MACROD2: variants seen among roughly 807,000 people sequenced by gnomAD.
MACROD2 encodes ADP-ribose glycohydrolase MACROD2.
A neutral mutation model predicts 70.4 loss-of-function variants in MACROD2; 36 were observed. That is an observed-to-expected ratio of 0.51 (90% CI 0.39 to 0.68). The LOEUF is 0.68. MACROD2 is among the 30% of genes least tolerant of loss of function. The probability of loss-of-function intolerance (pLI) is 0.00; values close to 1 mark genes in which losing one functional copy is unlikely to be tolerated. For synonymous variants in MACROD2, 172 were observed against 178.8 expected (o/e 0.96, Z 0.30); for missense variants, 496 against 538.4 (o/e 0.92, Z 0.78).
intron 5 of MACROD2, among the ~76,000 whole-genome samples, chr20:14,957,120 G>C (rs2074544104): frequency 6.6e-6 from 1 of 151,342 alleles, no homozygotes; most frequent in Non-Finnish European, 1.5e-5. Context: ...TATATGTGCT[G>C]CTGAAGTGAG....
At chr20:15,748,809 A>G (rs1186898335) in intron 8 of MACROD2, among the ~76,000 whole-genome samples, 1 of 152,050 alleles carries the variant, frequency 6.6e-6, no homozygotes, top group Non-Finnish European at 1.5e-5. Context: ...CCCAGGAGAA[A>G]TTTTCTCTAA....
chr20:14,520,957 G>T (rs200353093), intron 4 of MACROD2, among the ~76,000 whole-genome samples: 3 of 57,426 alleles, frequency 5.2e-5, no homozygotes, highest in South Asian at 9.7e-4. Flanking sequence ...GTGCGTGCGC[G>T]CACACACACA....
At chr20:14,619,758 C>T (rs1211443601) in intron 4 of MACROD2, among the ~76,000 whole-genome samples, 1 of 151,992 alleles carries the variant, frequency 6.6e-6, no homozygotes, top group Non-Finnish European at 1.5e-5. Flanking sequence ...AGATGACTGG[C>T]CAGCTTAGTC....
intron 5 of MACROD2, among the ~76,000 whole-genome samples, chr20:15,078,539 G>C (rs998508966): frequency 6.6e-6 from 1 of 152,060 alleles, no homozygotes; most frequent in African/African-American, 2.4e-5. Flanking sequence ...ATTTGGTCAA[G>C]TGATATTTGA....
At chr20:15,452,163 T>G (rs1260565641) in intron 7 of MACROD2, among the ~76,000 whole-genome samples, 1 of 152,160 alleles carries the variant, frequency 6.6e-6, no homozygotes, top group Non-Finnish European at 1.5e-5. Flanking sequence ...TTGTTCAACA[T>G]AAAACCAAGA....
At chr20:14,515,465 G>GCGCACACACACGCA (rs1369248292) in intron 4 of MACROD2, among the ~76,000 whole-genome samples, 2 of 127,066 alleles carry the variant, frequency 1.6e-5, no homozygotes, top group African/African-American at 6.3e-5. Context: ...ACACACACAC[G>GCGCACACACACGCA]CACACACACA....
At chr20:15,310,207 ATTATT>A (rs1049444922) in intron 6 of MACROD2, among the ~76,000 whole-genome samples, 87 of 152,252 alleles carry the variant, frequency 5.7e-4, no homozygotes, top group African/African-American at 2.1e-3. Flanking sequence ...AACTTTTTAA[ATTATT>A]TTATTTTATT....
chr20:14,812,819 T>C (rs2122180505), intron 5 of MACROD2, among the ~76,000 whole-genome samples: 1 of 152,180 alleles, frequency 6.6e-6, no homozygotes, highest in South Asian at 2.1e-4. Flanking sequence ...TTTCTGATGC[T>C]GGCTACCTGG....
chr20:14,862,624 T>A (rs1440865435), intron 5 of MACROD2, among the ~76,000 whole-genome samples: 1 of 13,036 alleles, frequency 7.7e-5, no homozygotes, highest in South Asian at 2.3e-3. Context: ...TAAATATATA[T>A]ATATAAATAT....
chr20:15,686,872 C>CAAAAA (rs142175244), intron 8 of MACROD2, among the ~76,000 whole-genome samples: 1 of 69,304 alleles, frequency 1.4e-5, no homozygotes. Context: ...GACTCCATCT[C>CAAAAA]AAAAAAAAAA....
At chr20:14,917,752 A>T (rs775953089) in intron 5 of MACROD2, among the ~76,000 whole-genome samples, 1 of 152,170 alleles carries the variant, frequency 6.6e-6, no homozygotes, top group Non-Finnish European at 1.5e-5. Context: ...AATTGCATCT[A>T]AAGCTACTCA....
chr20:15,857,884 GT>G (rs1665738968), intron 8 of MACROD2, among the ~76,000 whole-genome samples: 1 of 152,134 alleles, frequency 6.6e-6, no homozygotes, highest in Admixed American at 6.5e-5. Flanking sequence ...TCAATTCTGT[GT>G]GTGTGTCTCT....
intron 5 of MACROD2, among the ~76,000 whole-genome samples, chr20:15,017,989 C>A (rs113535398): frequency 0.15 from 23,057 of 152,168 alleles, 1,896 homozygotes; most frequent in African/African-American, 0.19. Context: ...ACATTTTCCT[C>A]GTGGTCTTGG....
At chr20:15,490,211 TCCTTCCTTCCTC>T (rs1360026411) in intron 7 of MACROD2, among the ~76,000 whole-genome samples, 36 of 138,820 alleles carry the variant, frequency 2.6e-4, no homozygotes, top group South Asian at 5.1e-4. Flanking sequence ...CCCCCTTCCT[TCCTTCCTTCCTC>T]CCTTCCTTCC....
chr20:14,568,404 G>A (rs1299127716), intron 4 of MACROD2, among the ~76,000 whole-genome samples: 1 of 151,962 alleles, frequency 6.6e-6, no homozygotes, highest in African/African-American at 2.4e-5. Context: ...AAAGCTTGCA[G>A]CATTTAGCAT....
chr20:15,495,792 G>A (rs1447813065), intron 7 of MACROD2, among the ~76,000 whole-genome samples: 1 of 152,226 alleles, frequency 6.6e-6, no homozygotes, highest in Non-Finnish European at 1.5e-5. Flanking sequence ...TGATGGGTCT[G>A]TGAGGTAAAG....
chr20:15,099,235 A>G (rs1402803689), intron 5 of MACROD2, among the ~76,000 whole-genome samples: 2 of 152,180 alleles, frequency 1.3e-5, no homozygotes. Flanking sequence ...CTCAGCATTC[A>G]TATATTGAAG....
At chr20:15,934,271 A>G (rs1008036483) in intron 11 of MACROD2, among the ~76,000 whole-genome samples, 2 of 152,180 alleles carry the variant, frequency 1.3e-5, no homozygotes, top group Non-Finnish European at 2.9e-5. Context: ...TAAGTTTTTC[A>G]CTGTAAACTT....
intron 8 of MACROD2, among the ~76,000 whole-genome samples, chr20:15,741,404 A>G (rs1339735941): frequency 6.6e-6 from 1 of 151,680 alleles, no homozygotes; most frequent in Non-Finnish European, 1.5e-5. Context: ...TGGCCCAGTT[A>G]TCATATATTA....
Sources: gnomAD v4.1 joint callset for allele counts (sites outside exome capture counted in the v4.1 genomes callset) on GRCh38, gnomAD v4.1.1 for gene constraint, MANE v1.5 for transcripts, NCBI Gene and HGNC (gene_info 2026-07-23, HGNC 2026-07-21) for gene names.